The following JCAD variants were observed in gnomAD, a reference collection of about 807,000 sequenced individuals.
The protein encoded by JCAD is junctional cadherin 5 associated.
In JCAD, 40 loss-of-function variants were observed where a neutral mutation model predicts 98.0. That is an observed-to-expected ratio of 0.41 (90% CI 0.32 to 0.53). The LOEUF is 0.53. Among genes scored for constraint, JCAD ranks in the 20% least tolerant of loss-of-function variants. The probability of loss-of-function intolerance (pLI) is 0.31; values close to 1 mark genes in which losing one functional copy is unlikely to be tolerated. For synonymous variants in JCAD, 691 were observed against 682.3 expected (o/e 1.01, Z -0.20); for missense variants, 1,705 against 1,738.1 (o/e 0.98, Z 0.34).
intron 1 of JCAD, among the ~76,000 whole-genome samples, chr10:30,115,059 G>A (rs74132250): frequency 0.011 from 1,645 of 152,288 alleles, 35 homozygotes; most frequent in African/African-American, 0.037. Context: ...CCCAGACAGT[G>A]AATAAGACCA....
chr10:30,050,070 C>A lies in JCAD; in HGVS notation c.-59-2199G>T, dbSNP rs1252490009. 2.6e-5 allele frequency among the ~76,000 whole-genome samples: 4 copies of A among 152,054 alleles called. No individual in the cohort carries two copies. The East Asian group carries it at 7.7e-4, about 29-fold the overall frequency. On this transcript the variant is annotated intron_variant, in intron 1 of 3. Coordinates refer to ENST00000375377, the MANE Select transcript of JCAD (RefSeq NM_020848.4). ...GTGGCTCGCACCTATAATCCCAGCA[C>A]TTTAGGAGGCTAGGTGGGTGAATCA...
upstream of JCAD, among the ~76,000 whole-genome samples, chr10:30,060,380 G>C (rs1282357937): frequency 6.6e-6 from 1 of 152,150 alleles, no homozygotes; most frequent in African/African-American, 2.4e-5. Context: ...ATGAACATTT[G>C]GGGTCATTTG....
chr10:30,092,259 A>C (rs1838296260), intron 1 of JCAD, among the ~76,000 whole-genome samples: 1 of 150,914 alleles, frequency 6.6e-6, no homozygotes, highest in Non-Finnish European at 1.5e-5. Context: ...AAGCAGAGGA[A>C]GGGGAGGAGT....
chr10:30,029,146 TC>T lies in JCAD; in HGVS notation c.1001del (p.Gly334AspfsTer31), dbSNP rs764091893. 1 of 1,614,142 alleles carries T rather than the reference TC, an allele frequency of 6.2e-7. No homozygotes were observed. The highest frequency in any genetic ancestry group is 8.5e-7 in the Non-Finnish European group (1 of 1,180,016). ...PRHELCLSDP[G>X]LEPPVYVPPP... is the part of the protein sequence containing the mutation. ...GAGGCACGTACACTGGAGGTTCCAA[TC>T]CAGGGTCTGACAGGCAGAGCTCATG... On this transcript the variant is annotated frameshift_variant, in exon 3 of 4. Coordinates refer to ENST00000375377, the MANE Select transcript of JCAD (RefSeq NM_020848.4). LOFTEE classifies it high-confidence loss of function.
At chr10:30,112,504 C>T (rs1439210499) in intron 1 of JCAD, among the ~76,000 whole-genome samples, 3 of 151,882 alleles carry the variant, frequency 2.0e-5, no homozygotes, top group Non-Finnish European at 2.9e-5. Flanking sequence ...TAAATTTAAA[C>T]AAACGAAAAA....
chr10:30,049,287 TGGAC>T (rs1837419298), intron 1 of JCAD, among the ~76,000 whole-genome samples: 1 of 152,078 alleles, frequency 6.6e-6, no homozygotes, highest in Non-Finnish European at 1.5e-5. Flanking sequence ...ACTTCACTGG[TGGAC>T]GGAAATAGAG....
chr10:30,023,644 A>G (rs2132607124), intron 3 of JCAD, among the ~76,000 whole-genome samples: 1 of 152,234 alleles, frequency 6.6e-6, no homozygotes, highest in East Asian at 1.9e-4. Context: ...CTGCCTGCAG[A>G]TTTTTGGCCA....
chr10:30,091,076 T>A (rs1389355996), intron 1 of JCAD, among the ~76,000 whole-genome samples: 5 of 152,170 alleles, frequency 3.3e-5, no homozygotes, highest in Admixed American at 3.3e-4. Context: ...AGTAACAACA[T>A]GGTAACTTAA....
intron 3 of JCAD, among the ~76,000 whole-genome samples, chr10:30,025,267 T>C (rs995430163): frequency 2.0e-5 from 3 of 151,580 alleles, no homozygotes; most frequent in Non-Finnish European, 2.9e-5. Flanking sequence ...CCTGTAATCC[T>C]GGCACTTTGG....
chr10:30,029,036 C>G lies in JCAD; in HGVS notation c.1112G>C (p.Ser371Thr), dbSNP rs759808874. 6.2e-7 allele frequency: 1 copy of G among 1,614,110 alleles called. No individual in the cohort carries two copies. The highest frequency in any genetic ancestry group is 1.1e-5 in the South Asian group (1 of 91,066). Reference protein sequence around the residue: ...TVPINVCGGHSQQQSPTEKAG... With the variant: ...TVPINVCGGHTQQQSPTEKAG... ...CTTCTCGGTCGGAGACTGCTGTTGA[C>G]TGTGACCGCCACACACATTTATGGG... Residue 371 changes from serine to threonine, a missense_variant, in exon 3 of 4, where the codon AGT becomes ACT. Ser to Thr is a moderately conservative substitution (Grantham distance 58, BLOSUM62 1). Coordinates refer to ENST00000375377, the MANE Select transcript of JCAD (RefSeq NM_020848.4).
At chr10:30,087,900 G>A (rs1284912775) in intron 1 of JCAD, among the ~76,000 whole-genome samples, 1 of 152,248 alleles carries the variant, frequency 6.6e-6, no homozygotes, top group Non-Finnish European at 1.5e-5. Flanking sequence ...GCGTGCAGTG[G>A]CATGATCTCA....
chr10:30,093,509 A>C (rs534261239), intron 1 of JCAD, among the ~76,000 whole-genome samples: 7 of 152,352 alleles, frequency 4.6e-5, no homozygotes, highest in African/African-American at 1.7e-4. Context: ...AGGACTGCAG[A>C]ACAAACTGAG....
At chr10:30,018,045 T>A in intron 3 of JCAD, 128 bp from the exon 4 acceptor site, 1 of 687,362 alleles carries the variant, frequency 1.5e-6, no homozygotes, top group Middle Eastern at 3.5e-4. Context: ...TTTTTAGACA[T>A]TTTAACAATC....
chr10:30,089,067 G>T (rs1204174588), intron 1 of JCAD, among the ~76,000 whole-genome samples: 2 of 152,126 alleles, frequency 1.3e-5, no homozygotes, highest in African/African-American at 2.4e-5. Context: ...TGACAGAAGG[G>T]CTTACAGATC....
rs571346338 is a variant in JCAD at position 30,097,615 on chromosome 10, T to C, written n.128+17752A>G. ...ATACAAAATTAGCCAGGCGTAGTGG[T>C]GCACTGTAGTGGGCCTGTAGTCCCA... On this transcript the variant is annotated intron_variant and non_coding_transcript_variant, in intron 1 of 2. Transcript: ENST00000465712. Among the ~76,000 whole-genome samples the C allele has an allele frequency of 2.6e-5, 4 of 152,052 alleles. No individual in the cohort carries two copies. The South Asian group carries it at 8.3e-4, about 32-fold the overall frequency.
intron 1 of JCAD, among the ~76,000 whole-genome samples, chr10:30,058,448 G>T (rs1352711481): frequency 2.2e-4 from 33 of 152,158 alleles, no homozygotes; most frequent in Non-Finnish European, 4.9e-4. Flanking sequence ...CTCCTTAAGC[G>T]CGTGGATGAC....
intron 2 of JCAD, among the ~76,000 whole-genome samples, chr10:30,033,948 G>A (rs1242234916): frequency 6.6e-6 from 1 of 152,196 alleles, no homozygotes; most frequent in African/African-American, 2.4e-5. Context: ...CCAAGGCCGG[G>A]TGCAGTGGCT....
At chr10:30,112,618 T>A (rs886552352) in intron 1 of JCAD, among the ~76,000 whole-genome samples, 1 of 152,084 alleles carries the variant, frequency 6.6e-6, no homozygotes, top group African/African-American at 2.4e-5. Flanking sequence ...ATGCCTGTAA[T>A]CCTAGCACTT....
At position 30,059,485 on chromosome 10, in the gene JCAD, G is replaced by T. The variant is rs1410270571; in HGVS notation, c.-63C>A. ...AGGGTTAGACGCCGGGACTTACCGAGCGGCTCCCTCATGCCGCCTCGCGCC... is the reference window on the plus strand; with the variant it reads ...AGGGTTAGACGCCGGGACTTACCGATCGGCTCCCTCATGCCGCCTCGCGCC... On this transcript the variant is annotated 5_prime_UTR_variant, in exon 1 of 4. Coordinates refer to ENST00000375377, the MANE Select transcript of JCAD (RefSeq NM_020848.4). This position sits in a 1 kb window ranked among gnomAD's most constrained non-coding sequence, Gnocchi z 5.0. The T allele has an allele frequency of 6.6e-6, 1 of 151,634 alleles. No individual in the cohort carries two copies. Among genetic ancestry groups the T allele is most frequent in the Non-Finnish European group, 1.5e-5 (1 of 67,664 alleles). 9.4% of individuals were successfully genotyped at this position (151,634 alleles called of 1,614,324 possible). A position where few individuals can be genotyped will look rare whatever the true frequency, so the allele number is the denominator to read the frequency against.
Sources: allele counts gnomAD v4.1 joint callset (sites outside exome capture counted in the v4.1 genomes callset), GRCh38; gene constraint gnomAD v4.1.1; non-coding constraint Gnocchi (gnomAD v3.1); transcripts MANE v1.5; gene names NCBI Gene and HGNC (gene_info 2026-07-23, HGNC 2026-07-21).